TBC1D12: variants seen among roughly 807,000 people sequenced by gnomAD.
TBC1D12 encodes the protein TBC1 domain family, member 12.
TBC1D12 carries 56 observed loss-of-function variants against 86.7 expected under a neutral mutation model. The ratio of observed to expected loss-of-function variants is 0.65; its 90% CI spans 0.52 to 0.81. The LOEUF is 0.81. Among genes scored for constraint, TBC1D12 ranks in the 30% least tolerant of loss-of-function variants. The pLI is 0.00. For missense variants in TBC1D12, 1,023 were observed against 1,038.8 expected, an observed-to-expected ratio of 0.98 and a Z score of 0.21; for synonymous variants, 421 against 411.7, an observed-to-expected ratio of 1.02 and a Z score of -0.27.
rs928537921 is a variant in TBC1D12 at position 94,477,541 on chromosome 10, C to G, written c.1211+2758C>G. 3.3e-5 allele frequency among the ~76,000 whole-genome samples: 5 copies of G among 152,262 alleles called. No individual in the cohort carries two copies. In the East Asian group the frequency reaches 7.7e-4, roughly 23 times the overall value. On this transcript the variant is annotated intron_variant, in intron 3 of 12. Transcript: ENST00000225235. The stretch of plus-strand genomic sequence containing the variant: ...CTGAGTACTAAAGTGGAACTTTGTA[C>G]TTTATCTCCCTCAGAATACTCTTCT...
At chr10:94,471,796 G>A (rs764939830) in intron 2 of TBC1D12, among the ~76,000 whole-genome samples, 35 of 152,120 alleles carry the variant, frequency 2.3e-4, no homozygotes, top group Non-Finnish European at 4.4e-4. Context: ...CTCACTCTCC[G>A]GAGGAGAACC....
intron 6 of TBC1D12, among the ~76,000 whole-genome samples, chr10:94,506,540 C>A (rs2056462590): frequency 6.6e-6 from 1 of 151,972 alleles, no homozygotes; most frequent in African/African-American, 2.4e-5. Context: ...TAGTTAGTTA[C>A]AAAATAAAGA....
At chr10:94,464,134 C>G (rs1049398280) in intron 2 of TBC1D12, among the ~76,000 whole-genome samples, 2 of 151,904 alleles carry the variant, frequency 1.3e-5, no homozygotes, top group Admixed American at 1.3e-4. Flanking sequence ...TTGTATCTAC[C>G]TTTATATTTA....
intron 1 of TBC1D12, among the ~76,000 whole-genome samples, chr10:94,421,493 G>A (rs757188485): frequency 5.3e-5 from 8 of 152,202 alleles, no homozygotes; most frequent in African/African-American, 1.2e-4. Context: ...ACATGAGAGT[G>A]TAGTTCCTTT....
At chr10:94,445,971 T>C (rs1199438456) in intron 2 of TBC1D12, among the ~76,000 whole-genome samples, 1 of 152,172 alleles carries the variant, frequency 6.6e-6, no homozygotes, top group Non-Finnish European at 1.5e-5. Flanking sequence ...GTATTACTTT[T>C]ACCATGTGAT....
Position 94,403,112 on chromosome 10 carries a change from C to A in TBC1D12, c.499C>A (p.Arg167Ser). Reference sequence around the variant, plus strand: ...CGGCGGCCGGGAGTCGCGCCGCCGCCGCCCCTACGGCCGCCTTCGCCTGGA... The same window carrying A: ...CGGCGGCCGGGAGTCGCGCCGCCGCAGCCCCTACGGCCGCCTTCGCCTGGA... ...RAGGRESRRR[R>S]PYGRLRLEGP... The change falls in exon 1 of 13, where the codon CGC becomes AGC. Residue 167 changes from arginine (R) to serine (S), a missense_variant. Around this residue, in one of 2 missense-constraint regions of TBC1D12, gnomAD observed 628 missense variants for 531.1 expected, o/e 1.18. Coordinates refer to ENST00000225235, the MANE Select transcript of TBC1D12 (RefSeq NM_015188.2). 7.2e-7 allele frequency: 1 copy of A among 1,390,130 alleles called. No individual in the cohort carries two copies. 86.1% of individuals were successfully genotyped at this position (1,390,130 alleles called of 1,614,324 possible). A position where few individuals can be genotyped will look rare whatever the true frequency, so the allele number is the denominator to read the frequency against.
intron 3 of TBC1D12, among the ~76,000 whole-genome samples, chr10:94,485,521 A>G (rs998415404): frequency 4.8e-5 from 7 of 146,948 alleles, no homozygotes; most frequent in African/African-American, 1.7e-4. Context: ...CATGTTTCTC[A>G]GGGATATTGG....
At chr10:94,447,881 T>C (rs2055493466) in intron 2 of TBC1D12, among the ~76,000 whole-genome samples, 1 of 149,322 alleles carries the variant, frequency 6.7e-6, no homozygotes, top group Admixed American at 6.8e-5. Flanking sequence ...GCATACTAGA[T>C]TGAATATGCA....
Position 94,515,596 on chromosome 10 carries a change from G to A in TBC1D12, c.1761+3942G>A, listed in dbSNP as rs192350003. On this transcript the variant is annotated intron_variant, in intron 9 of 12. Coordinates refer to ENST00000225235, the MANE Select transcript of TBC1D12 (RefSeq NM_015188.2). ...ACTCCTGACCTCAGGCGATCCACCC[G>A]CCTCGGCCTCCCAAAGTGCTGGGAT... Among the ~76,000 whole-genome samples, 71 of 152,030 alleles carry A rather than the reference G, an allele frequency of 4.7e-4. 1 individual carries two copies. In the East Asian group the frequency reaches 0.013, roughly 27 times the overall value.
In TBC1D12 at chr10:94,412,121, A is replaced by C. The variant is rs115363855; in HGVS notation, c.971+8537A>C. Among the ~76,000 whole-genome samples the C allele has an allele frequency of 2.7e-3, 404 of 152,318 alleles. 2 individuals carry two copies. Among genetic ancestry groups the C allele is most frequent in the African/African-American group, 9.1e-3 (378 of 41,574 alleles). ...GTTTGAATTAGCTTACTAGCTCTTT[A>C]ATTCTGGACTTCTCTGGATCTTAGG... is the stretch of plus-strand genomic sequence containing the variant. On this transcript the variant is annotated intron_variant, in intron 1 of 12. Coordinates refer to ENST00000225235, the MANE Select transcript of TBC1D12 (RefSeq NM_015188.2).
intron 1 of TBC1D12, among the ~76,000 whole-genome samples, chr10:94,439,319 G>A (rs189815741): frequency 6.6e-5 from 10 of 152,202 alleles, no homozygotes; most frequent in Admixed American, 5.2e-4. Context: ...TTTTTCTTGT[G>A]TTTATTTGTG....
chr10:94,435,860 G>T (rs183075905), intron 1 of TBC1D12, among the ~76,000 whole-genome samples: 69 of 152,268 alleles, frequency 4.5e-4, no homozygotes, highest in African/African-American at 1.6e-3. Flanking sequence ...GTGGTATGTG[G>T]TAGGAATCCA....
intron 2 of TBC1D12, among the ~76,000 whole-genome samples, chr10:94,471,016 C>G (rs2055897144): frequency 6.6e-6 from 1 of 152,078 alleles, no homozygotes. Flanking sequence ...TGGCTCATGC[C>G]TGCAGTCCCA....
intron 1 of TBC1D12, among the ~76,000 whole-genome samples, chr10:94,419,108 C>T (rs1042318490): frequency 2.6e-5 from 4 of 151,876 alleles, no homozygotes; most frequent in African/African-American, 9.7e-5. Flanking sequence ...CTCCTGACCT[C>T]GTGATCCACC....
intron 2 of TBC1D12, among the ~76,000 whole-genome samples, chr10:94,452,014 A>G (rs957209153): frequency 1.3e-5 from 2 of 151,716 alleles, no homozygotes; most frequent in African/African-American, 4.8e-5. Flanking sequence ...GTTATTATTC[A>G]CCTTGCATAT....
At chr10:94,451,371 T>G (rs1355042207) in intron 2 of TBC1D12, among the ~76,000 whole-genome samples, 2 of 152,200 alleles carry the variant, frequency 1.3e-5, no homozygotes, top group Admixed American at 6.5e-5. Context: ...GAGGACAAGT[T>G]TATTAAGATT....
At chr10:94,489,601 T>C (rs1396159620) in intron 3 of TBC1D12, among the ~76,000 whole-genome samples, 3 of 152,246 alleles carry the variant, frequency 2.0e-5, no homozygotes, top group Admixed American at 6.5e-5. Context: ...TTCACCCCCC[T>C]ATCTTGGCTT....
chr10:94,410,634 A>G (rs567555794), intron 1 of TBC1D12, among the ~76,000 whole-genome samples: 2 of 152,288 alleles, frequency 1.3e-5, no homozygotes, highest in South Asian at 4.1e-4. Context: ...CCAAAGTCAG[A>G]TAGCTAATTA....
chr10:94,533,483 G>A lies in TBC1D12; in HGVS notation c.*387G>A, dbSNP rs1842479817. 1 of 176,272 alleles carries A rather than the reference G, an allele frequency of 5.7e-6. No homozygotes were observed. Among genetic ancestry groups the A allele is most frequent in the African/African-American group, 2.4e-5 (1 of 41,742 alleles). 10.9% of individuals were successfully genotyped at this position (176,272 alleles called of 1,614,324 possible). A position where few individuals can be genotyped will look rare whatever the true frequency, so the allele number is the denominator to read the frequency against. On this transcript the variant is annotated 3_prime_UTR_variant, in exon 13 of 13. Coordinates refer to ENST00000225235, the MANE Select transcript of TBC1D12 (RefSeq NM_015188.2). ...TAGAGTAGGATTGTTAAATACTACT[G>A]TTAACCTCCAAAGTACTATAGTACA...
Sources: allele counts gnomAD v4.1 joint callset (sites outside exome capture counted in the v4.1 genomes callset), GRCh38; gene constraint gnomAD v4.1.1; regional missense constraint gnomAD v4.1.1; transcripts MANE v1.5; gene names NCBI Gene and HGNC (gene_info 2026-07-23, HGNC 2026-07-21).